The following FAM110B variants were observed in gnomAD, a reference collection of about 807,000 sequenced individuals.
The protein encoded by FAM110B is family with sequence similarity 110 member B.
A neutral mutation model predicts 20.4 loss-of-function variants in FAM110B; 6 were observed. That is an observed-to-expected ratio of 0.29 (90% confidence interval 0.16 to 0.58). FAM110B has a LOEUF of 0.58. Among genes scored for constraint, FAM110B ranks in the 20% least tolerant of loss-of-function variants. The pLI is 0.90. For missense variants in FAM110B, 434 were observed against 498.2 expected (o/e 0.87, Z 1.23); for synonymous variants, 226 against 214.1 (o/e 1.06, Z -0.49).
intron 3 of FAM110B, among the ~76,000 whole-genome samples, chr8:58,081,136 A>G (rs1172286608): frequency 6.6e-6 from 1 of 152,182 alleles, no homozygotes; most frequent in African/African-American, 2.4e-5. Context: ...TTACTGACTT[A>G]GCCCTGTGCT....
chr8:57,999,003 C>T (rs1804240583), intron 1 of FAM110B, among the ~76,000 whole-genome samples: 1 of 152,272 alleles, frequency 6.6e-6, no homozygotes, highest in Middle Eastern at 3.4e-3. Context: ...CATAAGGAAA[C>T]TCCCATAAGA....
chr8:58,004,067 T>G (rs1388756592), intron 1 of FAM110B, among the ~76,000 whole-genome samples: 1 of 152,182 alleles, frequency 6.6e-6, no homozygotes, highest in Non-Finnish European at 1.5e-5. Flanking sequence ...GGTTTCATGA[T>G]GATTCAAGCT....
At chr8:58,082,513 T>C (rs947708995) in intron 3 of FAM110B, among the ~76,000 whole-genome samples, 1 of 152,234 alleles carries the variant, frequency 6.6e-6, no homozygotes, top group African/African-American at 2.4e-5. Flanking sequence ...GTCATGTACA[T>C]TCTTTAGTCT....
rs188599859 is a variant in FAM110B at position 58,079,401 on chromosome 8, A to G, written c.-325+3778A>G. On this transcript the variant is annotated intron_variant, in intron 3 of 3. Transcript: ENST00000519262. Reference sequence around the variant, plus strand: ...TCTAGGGATAGTCTCCCTCATACTCAGAAGGAAGTATAATTCTATTTTTGA... The same window carrying G: ...TCTAGGGATAGTCTCCCTCATACTCGGAAGGAAGTATAATTCTATTTTTGA... Among the ~76,000 whole-genome samples the G allele has an allele frequency of 8.4e-4, 128 of 152,356 alleles. 1 individual carries two copies. The highest frequency in any genetic ancestry group is 3.0e-3 in the African/African-American group (126 of 41,576).
intron 3 of FAM110B, among the ~76,000 whole-genome samples, chr8:58,082,619 A>G (rs1184895881): frequency 6.6e-6 from 1 of 152,164 alleles, no homozygotes; most frequent in Non-Finnish European, 1.5e-5. Flanking sequence ...TGGGGGTAAG[A>G]ATTATGTTTT....
rs563971566 is a variant in FAM110B, at chr8:58,102,990, A to G, written c.-325+27367A>G. Among the ~76,000 whole-genome samples the G allele has an allele frequency of 7.1e-5, 10 of 140,330 alleles. No homozygotes were observed. In the South Asian group the frequency reaches 2.4e-3, roughly 34 times the overall value. 92.1% of individuals were successfully genotyped at this position (140,330 alleles called of 152,430 possible). A position where few individuals can be genotyped will look rare whatever the true frequency, so the allele number is the denominator to read the frequency against. The stretch of plus-strand genomic sequence containing the variant: ...TTACCTGAGCAGTATTATATAGTAC[A>G]ATGCTTGTTATGAAAAAAAAAAAAA... On this transcript the variant is annotated intron_variant, in intron 3 of 3. Coordinates refer to ENST00000519262, the MANE Select transcript of FAM110B (RefSeq NM_001377989.1).
chr8:58,006,923 A>ATATATATATATTTTTTTTTTTTTT lies in FAM110B; in HGVS notation c.-512+12118_-512+12119insATATATATATTTTTTTTTTTTTTT. Among the ~76,000 whole-genome samples the ATATATATATATTTTTTTTTTTTTT allele has an allele frequency of 1.2e-3, 149 of 126,446 alleles. 1 individual carries two copies. Among genetic ancestry groups the ATATATATATATTTTTTTTTTTTTT allele is most frequent in the Non-Finnish European group, 1.4e-3 (83 of 60,836 alleles). 83.0% of individuals were successfully genotyped at this position (126,446 alleles called of 152,430 possible). A position where few individuals can be genotyped will look rare whatever the true frequency, so the allele number is the denominator to read the frequency against. ...TTGGTATATATATATATATATATAT[A>ATATATATATATTTTTTTTTTTTTT]TTTTTCCAAAACCAGAGTTTGCATT... On this transcript the variant is annotated intron_variant, in intron 1 of 3. Transcript: ENST00000519262.
At chr8:58,141,944 G>T (rs1803752775) in intron 3 of FAM110B, among the ~76,000 whole-genome samples, 1 of 152,136 alleles carries the variant, frequency 6.6e-6, no homozygotes, top group Non-Finnish European at 1.5e-5. Flanking sequence ...TGTGTATGAG[G>T]TTCATTCTCT....
intron 2 of FAM110B, among the ~76,000 whole-genome samples, chr8:58,037,886 T>G (rs1392426602): frequency 6.6e-6 from 1 of 152,192 alleles, no homozygotes; most frequent in African/African-American, 2.4e-5. Flanking sequence ...GATTTTCGCT[T>G]TCTCCTTCCC....
intron 3 of FAM110B, among the ~76,000 whole-genome samples, chr8:58,079,162 C>T (rs1806121744): frequency 2.0e-5 from 3 of 152,130 alleles, no homozygotes; most frequent in Non-Finnish European, 2.9e-5. Context: ...GGTGTGGCTC[C>T]TCTGAGGCCA....
chr8:58,126,496 A>G (rs1049520004), intron 3 of FAM110B, among the ~76,000 whole-genome samples: 3 of 152,246 alleles, frequency 2.0e-5, no homozygotes, highest in African/African-American at 7.2e-5. Context: ...GTGTCTCTAC[A>G]CTATTACATT....
intron 3 of FAM110B, among the ~76,000 whole-genome samples, chr8:58,131,488 C>T (rs775418908): frequency 4.6e-5 from 7 of 152,136 alleles, no homozygotes; most frequent in Non-Finnish European, 8.8e-5. Flanking sequence ...CAGCCTCTAA[C>T]TATTACCTCC....
At chr8:58,125,333 G>T (rs1182427867) in intron 3 of FAM110B, among the ~76,000 whole-genome samples, 1 of 151,132 alleles carries the variant, frequency 6.6e-6, no homozygotes, top group Non-Finnish European at 1.5e-5. Flanking sequence ...GGGTGACAGA[G>T]AAAGAAAAAA....
At chr8:58,076,594 G>A (rs1054360856) in intron 3 of FAM110B, among the ~76,000 whole-genome samples, 2 of 152,206 alleles carry the variant, frequency 1.3e-5, no homozygotes, top group African/African-American at 4.8e-5. Flanking sequence ...CCAGGAAAGA[G>A]CTAAGGAAGT....
intron 1 of FAM110B, among the ~76,000 whole-genome samples, chr8:58,019,880 A>G (rs1804715455): frequency 1.3e-5 from 2 of 151,926 alleles, no homozygotes; most frequent in South Asian, 4.2e-4. Flanking sequence ...TTTTTTCCAA[A>G]TTTGGTACAT....
intron 2 of FAM110B, among the ~76,000 whole-genome samples, chr8:58,066,201 T>G (rs1805756602): frequency 6.6e-6 from 1 of 152,174 alleles, no homozygotes; most frequent in Admixed American, 6.5e-5. Flanking sequence ...ACAACTGACT[T>G]CTAAACCGAG....
intron 1 of FAM110B, among the ~76,000 whole-genome samples, chr8:58,030,443 C>T (rs368281431): frequency 1.2e-4 from 19 of 152,042 alleles, no homozygotes; most frequent in Non-Finnish European, 2.6e-4. Context: ...TGTTTTGAAG[C>T]GATAGAAAAT....
intron 1 of FAM110B, among the ~76,000 whole-genome samples, chr8:57,996,189 G>A (rs568495751): frequency 6.6e-6 from 1 of 152,220 alleles, no homozygotes; most frequent in South Asian, 2.1e-4. Flanking sequence ...TTTACCCTAC[G>A]GTATTTAATC....
chr8:58,070,357 T>C (rs1415628733), intron 2 of FAM110B: 1 of 152,174 alleles, frequency 6.6e-6, no homozygotes, highest in Non-Finnish European at 1.5e-5. Flanking sequence ...CCGGCTGCTG[T>C]GGGAGGTCAG....
Sources: allele counts gnomAD v4.1 joint callset (sites outside exome capture counted in the v4.1 genomes callset), GRCh38; gene constraint gnomAD v4.1.1; transcripts MANE v1.5; gene names NCBI Gene and HGNC (gene_info 2026-07-23, HGNC 2026-07-21).